OPRM1: variants seen among roughly 807,000 people sequenced by gnomAD.
OPRM1 encodes opioid receptor mu 1.
Under a neutral mutation model 31.8 loss-of-function variants are expected in OPRM1, and 27 were observed. That is an observed-to-expected ratio of 0.85 (90% CI 0.63 to 1.17). The LOEUF is 1.17. Among genes scored for constraint, OPRM1 ranks in the 50% most tolerant of loss-of-function variants. The probability of loss-of-function intolerance (pLI) is 0.00; values close to 1 mark genes in which losing one functional copy is unlikely to be tolerated. For missense variants in OPRM1, 536 were observed against 511.1 expected (o/e 1.05, Z -0.47); for synonymous variants, 196 against 189.9 (o/e 1.03, Z -0.26).
rs935184129 is a variant in OPRM1, at chr6:154,132,119, C to T, written c.*13398C>T. Among the ~76,000 whole-genome samples, 1 of 152,102 alleles carries T rather than the reference C, an allele frequency of 6.6e-6. No individual in the cohort carries two copies. The highest frequency in any genetic ancestry group is 2.4e-5 in the African/African-American group (1 of 41,426). ...ACTACCTGCTAAATCATAATGGTCT[C>T]ATGTGCAGATCAAAATGTCAACTAG... On this transcript the variant is annotated 3_prime_UTR_variant, in exon 4 of 4. Coordinates refer to ENST00000330432, the MANE Select transcript of OPRM1 (RefSeq NM_000914.5).
chr6:154,183,647 C>T (rs1016731440), intron 3 of OPRM1, among the ~76,000 whole-genome samples: 9 of 152,010 alleles, frequency 5.9e-5, no homozygotes, highest in Admixed American at 3.9e-4. Context: ...ACCTGTAATC[C>T]CAGGACTTTT....
At chr6:154,069,121 T>C (rs1399523635) in intron 1 of OPRM1, among the ~76,000 whole-genome samples, 1 of 152,252 alleles carries the variant, frequency 6.6e-6, no homozygotes, top group Non-Finnish European at 1.5e-5. Flanking sequence ...ATCAGCTGTA[T>C]AATTTGCAAA....
intron 1 of OPRM1, among the ~76,000 whole-genome samples, chr6:154,086,270 C>A (rs1790545571): frequency 6.6e-6 from 1 of 152,094 alleles, no homozygotes; most frequent in African/African-American, 2.4e-5. Context: ...CGTTGAGCCC[C>A]CTTTTATATG....
intron 3 of OPRM1, among the ~76,000 whole-genome samples, chr6:154,139,250 CCTGGAATGGAT>C (rs1798138520): frequency 2.0e-5 from 3 of 152,196 alleles, no homozygotes; most frequent in Admixed American, 1.3e-4. Context: ...AGGCAGGCCT[CCTGGAATGGAT>C]GATTCCTGAC....
chr6:154,087,666 C>T (rs1183335308), intron 1 of OPRM1: 10 of 884,866 alleles, frequency 1.1e-5, no homozygotes, highest in Non-Finnish European at 1.4e-5. Flanking sequence ...TGAGAGCATC[C>T]TTGCCATTCA....
chr6:154,152,101 T>C (rs1228876356), intron 3 of OPRM1, among the ~76,000 whole-genome samples: 1 of 145,066 alleles, frequency 6.9e-6, no homozygotes, highest in Non-Finnish European at 1.5e-5. Flanking sequence ...TGCTTGACCC[T>C]GGGAGGCAGA....
At chr6:154,141,883 G>T (rs1417900152) in intron 3 of OPRM1, among the ~76,000 whole-genome samples, 2 of 152,158 alleles carry the variant, frequency 1.3e-5, no homozygotes, top group African/African-American at 2.4e-5. Flanking sequence ...TTACCTTAGT[G>T]ATTTCAAGGC....
chr6:154,155,747 C>T (rs1798686795), intron 3 of OPRM1: 1 of 151,722 alleles, frequency 6.6e-6, no homozygotes, highest in African/African-American at 2.4e-5. Flanking sequence ...TGCCACTGCA[C>T]TCCAGCCTGG....
chr6:154,183,141 G>A (rs769030240), intron 3 of OPRM1, among the ~76,000 whole-genome samples: 50 of 151,950 alleles, frequency 3.3e-4, no homozygotes, highest in Middle Eastern at 3.4e-3. Flanking sequence ...CACCACACCC[G>A]GCTAATTTTT....
intron 1 of OPRM1, among the ~76,000 whole-genome samples, chr6:154,020,908 G>A (rs1562372124): frequency 2.6e-5 from 4 of 152,098 alleles, no homozygotes; most frequent in Non-Finnish European, 1.5e-5. Flanking sequence ...CCCAGTCTGT[G>A]GCTTGTCATT....
At chr6:154,212,612 C>G (rs771957963) in intron 3 of OPRM1, among the ~76,000 whole-genome samples, 8 of 152,156 alleles carry the variant, frequency 5.3e-5, no homozygotes, top group Non-Finnish European at 1.0e-4. Flanking sequence ...GGAGAAGGCT[C>G]AAAATCAGCA....
intron 1 of OPRM1, among the ~76,000 whole-genome samples, chr6:154,052,327 G>A (rs920426172): frequency 2.6e-5 from 4 of 152,114 alleles, no homozygotes; most frequent in Non-Finnish European, 5.9e-5. Context: ...TATGTATCTT[G>A]GAACTTAGAG....
chr6:154,100,100 G>A (rs1348425437), intron 3 of OPRM1, among the ~76,000 whole-genome samples: 5 of 59,264 alleles, frequency 8.4e-5, no homozygotes, highest in Non-Finnish European at 3.2e-5. Context: ...ATCATATTAT[G>A]ATATATATAT....
intron 3 of OPRM1, chr6:154,218,955 G>A (rs1778628980): frequency 6.6e-6 from 1 of 152,198 alleles, no homozygotes. Context: ...TAGGCGGTAA[G>A]ATCTTGACGT....
intron 1 of OPRM1, among the ~76,000 whole-genome samples, chr6:154,089,354 A>T (rs889019746): frequency 4.6e-5 from 7 of 152,180 alleles, no homozygotes; most frequent in Admixed American, 4.6e-4. Context: ...TGGGAGGCCG[A>T]GGAGGGAGGA....
Position 154,052,793 on chromosome 6 carries a change from C to T in OPRM1, c.290+12959C>T, listed in dbSNP as rs1448380070. Among the ~76,000 whole-genome samples, 22 of 152,136 alleles carry T rather than the reference C, an allele frequency of 1.4e-4. 1 individual carries two copies. ...AACATTTTGTTAAAATAACCTAGTA[C>T]TTAGTAGGTGTGTATATTTATGGGG... is the stretch of plus-strand genomic sequence containing the variant. On this transcript the variant is annotated intron_variant, in intron 1 of 3. Transcript: ENST00000330432.
Position 154,015,145 on chromosome 6 carries a change from C to T in OPRM1, c.-1+4127C>T, listed in dbSNP as rs188252173. Among the ~76,000 whole-genome samples the T allele has an allele frequency of 5.4e-3, 828 of 152,110 alleles. 4 individuals carry two copies. The highest frequency in any genetic ancestry group is 0.019 in the African/African-American group (778 of 41,520). Reference sequence around the variant, plus strand: ...AATTTAATACAACACCATTGAAAACCACCAGGTTTTTCTTTTCTAGAGCTT... The same window carrying T: ...AATTTAATACAACACCATTGAAAACTACCAGGTTTTTCTTTTCTAGAGCTT... On this transcript the variant is annotated intron_variant, in intron 1 of 5. Transcript: ENST00000434900.
rs564883454 is a variant in OPRM1 at position 154,124,893 on chromosome 6, G to T, written c.*6172G>T. Among the ~76,000 whole-genome samples the T allele has an allele frequency of 4.6e-5, 7 of 152,156 alleles. No individual in the cohort carries two copies. Among genetic ancestry groups the T allele is most frequent in the African/African-American group, 9.6e-5 (4 of 41,460 alleles). ...TTCACCTCACTACCTTTTATCCAAA[G>T]AAATTATCTCTAAAAGCACTCAGAC... On this transcript the variant is annotated 3_prime_UTR_variant, in exon 4 of 4. Transcript: ENST00000330432.
intron 3 of OPRM1, among the ~76,000 whole-genome samples, chr6:154,169,086 T>C (rs1241808107): frequency 2.0e-5 from 3 of 148,644 alleles, no homozygotes; most frequent in East Asian, 4.3e-4. Flanking sequence ...CCAGGCTGGG[T>C]GTGGTGGCTC....
Sources: gnomAD v4.1 joint callset for allele counts (sites outside exome capture counted in the v4.1 genomes callset) on GRCh38, gnomAD v4.1.1 for gene constraint, MANE v1.5 for transcripts, NCBI Gene and HGNC (gene_info 2026-07-23, HGNC 2026-07-21) for gene names.